UBR3: variants seen among roughly 807,000 people sequenced by gnomAD.
The protein encoded by UBR3 is E3 ubiquitin-protein ligase UBR3.
UBR3 carries 85 observed loss-of-function variants against 243.2 expected under a neutral mutation model. That is an observed-to-expected ratio of 0.35 (90% CI 0.29 to 0.42). UBR3 has a LOEUF of 0.42. Ranked by LOEUF, UBR3 falls within the 10% of genes least tolerant of loss-of-function variation. The pLI, the probability that UBR3 is intolerant of heterozygous loss-of-function variation, is 1.00. For synonymous variants in UBR3, 748 were observed against 799.8 expected, an observed-to-expected ratio of 0.94 and a Z score of 1.09; for missense variants, 1,686 against 2,300.8, an observed-to-expected ratio of 0.73 and a Z score of 5.47.
chr2:169,923,170 T>C (rs965677896), intron 11 of UBR3, among the ~76,000 whole-genome samples: 4 of 152,198 alleles, frequency 2.6e-5, no homozygotes, highest in African/African-American at 9.6e-5. Flanking sequence ...CCTAAGGTCA[T>C]TCACATATTT....
chr2:170,033,151 T>C (rs1175291369), intron 31 of UBR3, among the ~76,000 whole-genome samples: 1 of 152,054 alleles, frequency 6.6e-6, no homozygotes, highest in Admixed American at 6.6e-5. Context: ...AAGCCTAGTA[T>C]TGACTAATTA....
At chr2:169,843,694 T>C (rs191296930) in intron 1 of UBR3, among the ~76,000 whole-genome samples, 134 of 152,356 alleles carry the variant, frequency 8.8e-4, no homozygotes, top group Non-Finnish European at 8.8e-5. Flanking sequence ...AAGTTGCTTG[T>C]ATTTTGACAT....
intron 1 of UBR3, among the ~76,000 whole-genome samples, chr2:169,849,468 T>G (rs2082589699): frequency 6.6e-6 from 1 of 152,242 alleles, no homozygotes; most frequent in Admixed American, 6.5e-5. Flanking sequence ...CTAGTTTTTC[T>G]ATTTTTAGAA....
At chr2:169,859,525 T>C (rs2083012571) in intron 1 of UBR3, among the ~76,000 whole-genome samples, 1 of 152,146 alleles carries the variant, frequency 6.6e-6, no homozygotes, top group Non-Finnish European at 1.5e-5. Context: ...TCCAGTATAA[T>C]GCAAGACCAC....
At chr2:169,851,701 TA>T (rs1347939810) in intron 1 of UBR3, among the ~76,000 whole-genome samples, 1 of 151,806 alleles carries the variant, frequency 6.6e-6, no homozygotes, top group Non-Finnish European at 1.5e-5. Flanking sequence ...CTGTCTCTAC[TA>T]AAAATACAAA....
At chr2:169,945,446 A>G (rs1199449947) in intron 20 of UBR3, among the ~76,000 whole-genome samples, 3 of 151,398 alleles carry the variant, frequency 2.0e-5, no homozygotes. Context: ...AGCAATTAAG[A>G]CCTCCTTTCC....
chr2:169,939,975 T>C (rs2086516253), intron 19 of UBR3, among the ~76,000 whole-genome samples: 3 of 151,074 alleles, frequency 2.0e-5, no homozygotes, highest in South Asian at 4.1e-4. Flanking sequence ...TACTCCCTTT[T>C]AATTTTTATT....
At chr2:170,014,064 A>T (rs956436476) in intron 29 of UBR3, 10 of 369,268 alleles carry the variant, frequency 2.7e-5, no homozygotes, top group Non-Finnish European at 5.7e-5. Context: ...CAGCAACCAG[A>T]TGGAGCTCTG....
chr2:169,857,920 A>G (rs929079455), intron 1 of UBR3, among the ~76,000 whole-genome samples: 7 of 152,078 alleles, frequency 4.6e-5, no homozygotes, highest in African/African-American at 1.7e-4. Flanking sequence ...TTTTTAAGTT[A>G]CGTTTATTGA....
At position 169,928,710 on chromosome 2, in the gene UBR3, C is replaced by T. The variant is rs1364007263; in HGVS notation, c.2425-17C>T. On this transcript the variant is annotated splice_polypyrimidine_tract_variant and intron_variant, in intron 17 of 38. Transcript: ENST00000272793. ...GGCTTTTTGTTACTAATATTTTTTT[C>T]TTGACATATATATCATATTCCAGAA... 6.9e-7 allele frequency: 1 copy of T among 1,442,218 alleles called. No individual in the cohort carries two copies. The highest frequency in any genetic ancestry group is 2.3e-5 in the Admixed American group (1 of 43,834). 89.3% of individuals were successfully genotyped at this position (1,442,218 alleles called of 1,614,324 possible).
At chr2:169,978,033 T>C (rs2088540882) in intron 24 of UBR3, among the ~76,000 whole-genome samples, 1 of 152,146 alleles carries the variant, frequency 6.6e-6, no homozygotes, top group Non-Finnish European at 1.5e-5. Flanking sequence ...TGGGTGGGTA[T>C]AGTGGTATAA....
intron 8 of UBR3, among the ~76,000 whole-genome samples, chr2:169,899,047 C>T (rs1202092750): frequency 6.7e-6 from 1 of 149,222 alleles, no homozygotes; most frequent in African/African-American, 2.5e-5. Context: ...GGCGTGATCT[C>T]AGCTCACTGC....
At chr2:169,832,236 G>A (rs2081962669) in intron 1 of UBR3, among the ~76,000 whole-genome samples, 1 of 152,184 alleles carries the variant, frequency 6.6e-6, no homozygotes, top group Non-Finnish European at 1.5e-5. Flanking sequence ...AAATCACAAA[G>A]GCTATGGAAA....
chr2:170,055,017 A>T (rs1403711776), intron 32 of UBR3, among the ~76,000 whole-genome samples: 1 of 152,198 alleles, frequency 6.6e-6, no homozygotes, highest in Non-Finnish European at 1.5e-5. Flanking sequence ...ATAGTACATT[A>T]TAATTTCAGA....
chr2:169,993,621 A>C (rs567098413), intron 25 of UBR3, among the ~76,000 whole-genome samples: 29 of 152,294 alleles, frequency 1.9e-4, no homozygotes, highest in African/African-American at 6.7e-4. Context: ...CAACAGCATT[A>C]CATCAGGAGG....
chr2:169,848,113 T>A (rs1286453674), intron 1 of UBR3, among the ~76,000 whole-genome samples: 1 of 152,204 alleles, frequency 6.6e-6, no homozygotes, highest in Non-Finnish European at 1.5e-5. Context: ...CTGACACATA[T>A]CATCACGTCA....
At chr2:169,913,360 G>GTTTTTTTTTT (rs66463048) in intron 10 of UBR3, among the ~76,000 whole-genome samples, 1 of 141,212 alleles carries the variant, frequency 7.1e-6, no homozygotes, top group Non-Finnish European at 1.5e-5. Flanking sequence ...TTTGTTTTTT[G>GTTTTTTTTTT]TTTTTTTTTT....
chr2:169,834,116 T>G (rs2082016261), intron 1 of UBR3, among the ~76,000 whole-genome samples: 1 of 152,198 alleles, frequency 6.6e-6, no homozygotes, highest in South Asian at 2.1e-4. Context: ...GTTTTTAGGT[T>G]TTCTGATCTG....
intron 32 of UBR3, among the ~76,000 whole-genome samples, chr2:170,042,109 A>G (rs1014350510): frequency 6.6e-6 from 1 of 152,198 alleles, no homozygotes; most frequent in East Asian, 1.9e-4. Flanking sequence ...GTGCCTATTA[A>G]GCAGTCATTT....
Sources: allele counts gnomAD v4.1 joint callset (sites outside exome capture counted in the v4.1 genomes callset), GRCh38; gene constraint gnomAD v4.1.1; transcripts MANE v1.5; gene names NCBI Gene and HGNC (gene_info 2026-07-23, HGNC 2026-07-21).